The following SGCD variants were observed in gnomAD, a reference collection of about 807,000 sequenced individuals.
SGCD encodes the protein delta-sarcoglycan.
Under a neutral mutation model 36.6 loss-of-function variants are expected in SGCD, and 18 were observed. The ratio of observed to expected loss-of-function variants is 0.49; its 90% confidence interval spans 0.34 to 0.73. The LOEUF (loss-of-function observed/expected upper bound fraction) is 0.73. Ranked by LOEUF, SGCD falls within the 30% of genes least tolerant of loss-of-function variation. SGCD has a pLI of 0.01. For synonymous variants in SGCD, 133 were observed against 130.6 expected (o/e 1.02, Z -0.12); for missense variants, 387 against 346.7 (o/e 1.12, Z -0.92).
intron 1 of SGCD, among the ~76,000 whole-genome samples, chr5:156,083,318 G>A (rs1371725890): frequency 2.7e-5 from 4 of 147,390 alleles, no homozygotes; most frequent in Non-Finnish European, 6.0e-5. Flanking sequence ...CTTTTTTTTG[G>A]AGTTTCGCTC....
intron 4 of SGCD, among the ~76,000 whole-genome samples, chr5:156,562,535 C>G (rs1759309513): frequency 6.6e-6 from 1 of 152,084 alleles, no homozygotes; most frequent in Non-Finnish European, 1.5e-5. Flanking sequence ...CTCCTAGGGT[C>G]TCAAACGCAA....
At chr5:156,491,536 G>A (rs1472150249) in intron 3 of SGCD, among the ~76,000 whole-genome samples, 4 of 152,014 alleles carry the variant, frequency 2.6e-5, no homozygotes, top group South Asian at 2.1e-4. Context: ...ATGGATCAGC[G>A]TATTTGCAGC....
At chr5:156,505,679 G>T (rs1000713031) in intron 3 of SGCD, among the ~76,000 whole-genome samples, 2 of 152,032 alleles carry the variant, frequency 1.3e-5, no homozygotes, top group Admixed American at 1.3e-4. Context: ...TAGAAACCTG[G>T]ATTTTTCATT....
the SGCD span, among the ~76,000 whole-genome samples, chr5:155,761,852 A>G: frequency 4.0e-4 from 60 of 151,680 alleles, no homozygotes; most frequent in African/African-American, 1.4e-3. Context: ...CTCCATCATC[A>G]TCTTCATTAT....
At chr5:156,370,846 G>A (rs1480313366) in intron 3 of SGCD, among the ~76,000 whole-genome samples, 2 of 152,080 alleles carry the variant, frequency 1.3e-5, no homozygotes, top group Non-Finnish European at 2.9e-5. Context: ...GAATATTAGG[G>A]CAGTCGGCAA....
At chr5:156,071,241 C>G (rs1317857185) in intron 1 of SGCD, among the ~76,000 whole-genome samples, 2 of 152,152 alleles carry the variant, frequency 1.3e-5, no homozygotes, top group African/African-American at 4.8e-5. Context: ...AATTTTGGAT[C>G]TTTCCTGCTT....
intron 3 of SGCD, among the ~76,000 whole-genome samples, chr5:156,156,842 A>G (rs1030931587): frequency 2.6e-5 from 4 of 151,472 alleles, no homozygotes; most frequent in Non-Finnish European, 4.4e-5. Context: ...CATTCTTAGT[A>G]AGAACTCTTG....
At chr5:156,277,019 A>G (rs952987986) in intron 3 of SGCD, among the ~76,000 whole-genome samples, 8 of 152,184 alleles carry the variant, frequency 5.3e-5, no homozygotes, top group African/African-American at 1.9e-4. Context: ...GGTGGGTTTT[A>G]TTATTTGCAG....
In SGCD at chr5:156,480,083, ACT is replaced by A; in HGVS notation, c.193-28515_193-28514del. Reference sequence around the variant, plus strand: ...AGCAAGGCAAGTTGCTGTCACAAACACTCTGAGTAGTCAGTAGGGAAATGTGC... The same window carrying A: ...AGCAAGGCAAGTTGCTGTCACAAACACTGAGTAGTCAGTAGGGAAATGTGC... On this transcript the variant is annotated intron_variant, in intron 3 of 8. Transcript: ENST00000337851. Among the ~76,000 whole-genome samples, 4 of 152,020 alleles carry A rather than the reference ACT, an allele frequency of 2.6e-5. No homozygotes were observed. The South Asian group carries it at 8.3e-4, about 32-fold the overall frequency.
chr5:156,299,546 T>C (rs1766995658), intron 3 of SGCD, among the ~76,000 whole-genome samples: 1 of 152,198 alleles, frequency 6.6e-6, no homozygotes, highest in Non-Finnish European at 1.5e-5. Context: ...TTAACGATAT[T>C]GATTGTTCCA....
intron 1 of SGCD, among the ~76,000 whole-genome samples, chr5:155,949,227 TA>T (rs1336192862): frequency 2.6e-5 from 4 of 152,230 alleles, no homozygotes; most frequent in Non-Finnish European, 5.9e-5. Flanking sequence ...GATGCCTTTG[TA>T]AACTCTCCAA....
chr5:155,840,767 T>G, the SGCD span, among the ~76,000 whole-genome samples: 1 of 150,806 alleles, frequency 6.6e-6, no homozygotes, highest in African/African-American at 2.4e-5. Context: ...ATCCCAAAAT[T>G]TAGGGAGGCC....
intron 1 of SGCD, among the ~76,000 whole-genome samples, chr5:156,012,813 C>A (rs1323007755): frequency 6.6e-6 from 1 of 151,796 alleles, no homozygotes; most frequent in African/African-American, 2.4e-5. Flanking sequence ...GGGGTTTCAC[C>A]ATGTTAGCCA....
intron 3 of SGCD, among the ~76,000 whole-genome samples, chr5:156,226,293 C>A (rs1024822525): frequency 1.3e-5 from 2 of 152,146 alleles, no homozygotes; most frequent in Non-Finnish European, 2.9e-5. Flanking sequence ...TAGCTTAGCT[C>A]TCACTTATGA....
At chr5:156,057,407 T>C (rs895835984) in intron 1 of SGCD, among the ~76,000 whole-genome samples, 5 of 146,534 alleles carry the variant, frequency 3.4e-5, no homozygotes, top group African/African-American at 1.2e-4. Flanking sequence ...GAGTATTTTG[T>C]GTGTGAGAAA....
At chr5:156,481,308 T>C (rs1175739627) in intron 3 of SGCD, among the ~76,000 whole-genome samples, 4 of 152,086 alleles carry the variant, frequency 2.6e-5, no homozygotes, top group Non-Finnish European at 5.9e-5. Context: ...TGGGGAAGGC[T>C]GGGAGATGGT....
At chr5:156,234,926 T>C (rs1561577467) in intron 3 of SGCD, among the ~76,000 whole-genome samples, 1 of 152,166 alleles carries the variant, frequency 6.6e-6, no homozygotes, top group Non-Finnish European at 1.5e-5. Context: ...TACCTGGGCT[T>C]TCTATTACTT....
In SGCD at chr5:155,897,228, A is replaced by G. The variant is rs561717169; in HGVS notation, c.-282+26804A>G. On this transcript the variant is annotated intron_variant, in intron 1 of 9. Transcript: ENST00000517913. ...AGAGCATGTTACTGTACTGAATACT[A>G]TAAGCAACTATAATACAATGGGAAG... Among the ~76,000 whole-genome samples, 120 of 152,338 alleles carry G rather than the reference A, an allele frequency of 7.9e-4. 1 individual carries two copies. The Middle Eastern group carries it at 0.014, about 17-fold the overall frequency.
intron 4 of SGCD, among the ~76,000 whole-genome samples, chr5:156,589,017 T>TGC (rs1269117616): frequency 7.2e-5 from 11 of 151,984 alleles, no homozygotes; most frequent in Non-Finnish European, 1.2e-4. Context: ...TGTGTGTGTG[T>TGC]GTGTGTGCAT....
Sources: allele counts gnomAD v4.1 joint callset (sites outside exome capture counted in the v4.1 genomes callset), GRCh38; gene constraint gnomAD v4.1.1; transcripts MANE v1.5; gene names NCBI Gene and HGNC (gene_info 2026-07-23, HGNC 2026-07-21).